The following TMEM255B variants were observed in gnomAD, a reference collection of about 807,000 sequenced individuals.
TMEM255B encodes the protein family with sequence similarity 70, member B.
In TMEM255B, 35 loss-of-function variants were observed where a neutral mutation model predicts 34.5. The observed-to-expected ratio is 1.01, with a 90% confidence interval of 0.77 to 1.34. The LOEUF is 1.34. Among genes scored for constraint, TMEM255B ranks in the 40% most tolerant of loss-of-function variants. The probability of loss-of-function intolerance (pLI) is 0.00; values close to 1 mark genes in which losing one functional copy is unlikely to be tolerated. For synonymous variants in TMEM255B, 206 were observed against 201.2 expected, an observed-to-expected ratio of 1.02 and a Z score of -0.20; for missense variants, 432 against 433.2, an observed-to-expected ratio of 1.00 and a Z score of 0.02.
In TMEM255B at chr13:113,800,882, G is replaced by C; in HGVS notation, c.479G>C (p.Cys160Ser). 2 of 1,610,740 alleles carry C rather than the reference G, an allele frequency of 1.2e-6. No homozygotes were observed. The highest frequency in any genetic ancestry group is 1.3e-5 in the African/African-American group (1 of 74,934). ...CAGCTGAAGGTGAGAAGCAACACCT[G>C]TTACTGCTGTGACCTCTATGCCTGC... ...KCQLKVRSNT[C>S]YCCDLYACGS... The change falls in exon 6 of 9, where the codon TGT (cysteine) becomes TCT (serine). Residue 160 changes from cysteine to serine, a missense_variant. Transcript: ENST00000375353.
chr13:113,766,393 GT>G, intron 2 of TMEM255B, 136 bp downstream of exon 2: 1 of 1,277,608 alleles, frequency 7.8e-7, no homozygotes, highest in Non-Finnish European at 1.1e-6. Context: ...GGTCGGCAGG[GT>G]TATGGCCCCC....
At chr13:113,771,319 G>T (rs938099516) in intron 3 of TMEM255B, among the ~76,000 whole-genome samples, 2 of 152,160 alleles carry the variant, frequency 1.3e-5, no homozygotes, top group African/African-American at 2.4e-5. Flanking sequence ...TCTGTGTCTG[G>T]TGTCTGGCAC....
chr13:113,777,552 C>T (rs986460167), intron 3 of TMEM255B, among the ~76,000 whole-genome samples: 1 of 152,246 alleles, frequency 6.6e-6, no homozygotes, highest in African/African-American at 2.4e-5. Flanking sequence ...CAGCGCTGTG[C>T]TGACTCTAGA....
chr13:113,774,652 CACAA>C (rs1437096644), intron 3 of TMEM255B, among the ~76,000 whole-genome samples: 24 of 105,728 alleles, frequency 2.3e-4, no homozygotes, highest in African/African-American at 1.1e-3. Context: ...ACACACTATA[CACAA>C]CACACACCAC....
At chr13:113,795,386 CAGTA>C (rs2050904185) in intron 4 of TMEM255B, 149 bp downstream of exon 4, 2 of 760,116 alleles carry the variant, frequency 2.6e-6, no homozygotes, top group South Asian at 3.4e-5. Context: ...TCTCTCCTCT[CAGTA>C]AGTCTCATTT....
intron 3 of TMEM255B, among the ~76,000 whole-genome samples, chr13:113,792,898 G>A (rs1388054985): frequency 6.6e-6 from 1 of 152,258 alleles, no homozygotes; most frequent in East Asian, 1.9e-4. Flanking sequence ...CGGGAAGGGC[G>A]GGGAGGTGCC....
chr13:113,794,687 C>T (rs1449011478), intron 3 of TMEM255B, among the ~76,000 whole-genome samples: 1 of 152,226 alleles, frequency 6.6e-6, no homozygotes, highest in Non-Finnish European at 1.5e-5. Context: ...TCAGAGTGCA[C>T]TGGTTAACTA....
At chr13:113,802,231 G>T (rs1335439699) in intron 7 of TMEM255B, among the ~76,000 whole-genome samples, 1 of 152,202 alleles carries the variant, frequency 6.6e-6, no homozygotes, top group Non-Finnish European at 1.5e-5. Context: ...GGCCTGGGCA[G>T]GAGGAGGGAG....
intron 3 of TMEM255B, among the ~76,000 whole-genome samples, chr13:113,785,451 G>T (rs913645912): frequency 3.3e-5 from 5 of 152,182 alleles, no homozygotes; most frequent in Non-Finnish European, 5.9e-5. Context: ...TGGCACTAGG[G>T]TCTCATGTTT....
intron 3 of TMEM255B, among the ~76,000 whole-genome samples, chr13:113,775,709 C>T (rs1017454062): frequency 1.3e-5 from 2 of 152,258 alleles, no homozygotes; most frequent in Admixed American, 6.5e-5. Flanking sequence ...AGCATGGGCA[C>T]AGGCGGCCAC....
intron 3 of TMEM255B, among the ~76,000 whole-genome samples, chr13:113,771,958 A>C (rs1758044441): frequency 6.6e-6 from 1 of 152,160 alleles, no homozygotes; most frequent in Admixed American, 6.5e-5. Context: ...CCCATGTTAC[A>C]TTCCCACAGA....
intron 3 of TMEM255B, among the ~76,000 whole-genome samples, chr13:113,774,128 GCTT>G (rs2050520517): frequency 7.2e-6 from 1 of 139,812 alleles, no homozygotes; most frequent in Non-Finnish European, 1.5e-5. Context: ...CCCCCCGCCT[GCTT>G]CTTCTCTTCC....
intron 8 of TMEM255B, among the ~76,000 whole-genome samples, chr13:113,810,733 C>G (rs913716965): frequency 6.6e-6 from 1 of 152,146 alleles, no homozygotes; most frequent in Non-Finnish European, 1.5e-5. Context: ...CCGTCCGTGT[C>G]CAGGGGCTGA....
chr13:113,799,215 C>T, intron 4 of TMEM255B, 124 bp from the exon 5 acceptor site: 1 of 810,094 alleles, frequency 1.2e-6, no homozygotes, highest in South Asian at 1.6e-5. Flanking sequence ...CTGGGAGGCT[C>T]AAGTTGGTGT....
In TMEM255B at chr13:113,806,799, G is replaced by A. The variant is rs2051180113; in HGVS notation, c.813+1771G>A. ...TGGTCTCCCGTGGGAAGTTTGCCAAGCCCAGAACTGGAGGCCCGCAGGGGT... is the reference window on the plus strand; with the variant it reads ...TGGTCTCCCGTGGGAAGTTTGCCAAACCCAGAACTGGAGGCCCGCAGGGGT... On this transcript the variant is annotated intron_variant, in intron 8 of 8. Coordinates refer to ENST00000375353, the MANE Select transcript of TMEM255B (RefSeq NM_182614.4). This position sits in a 1 kb window ranked among gnomAD's most constrained non-coding sequence, Gnocchi z 4.2. 6.6e-6 allele frequency among the ~76,000 whole-genome samples: 1 copy of A among 152,174 alleles called. No individual in the cohort carries two copies. The highest frequency in any genetic ancestry group is 1.5e-5 in the Non-Finnish European group (1 of 68,014).
chr13:113,784,166 G>A (rs1486428799), intron 3 of TMEM255B, among the ~76,000 whole-genome samples: 1 of 152,072 alleles, frequency 6.6e-6, no homozygotes, highest in Non-Finnish European at 1.5e-5. Context: ...GAGCGGGGAG[G>A]GTGTAGGGAT....
intron 2 of TMEM255B, chr13:113,768,073 C>G: frequency 2.5e-6 from 1 of 406,058 alleles, no homozygotes; most frequent in South Asian, 1.8e-5. Flanking sequence ...TAAAGAAGTC[C>G]GGTTTCCAGT....
Position 113,759,327 on chromosome 13 carries a change from G to A in TMEM255B, c.46+12G>A. On this transcript the variant is annotated intron_variant, in intron 1 of 8. Transcript: ENST00000375353. ...GCTGGACCCCGCAGGTGAGCGCGGG[G>A]CTGGGGGCTCGTCTCGGCTCCTGCG... The A allele has an allele frequency of 8.1e-7, 1 of 1,229,494 alleles. No homozygotes were observed. Among genetic ancestry groups the A allele is most frequent in the Non-Finnish European group, 1.0e-6 (1 of 986,426 alleles). The allele number at this position is 1,229,494 out of a possible 1,614,324, so 76.2% of individuals were successfully genotyped here.
intron 2 of TMEM255B, among the ~76,000 whole-genome samples, chr13:113,766,940 T>C (rs1233078732): frequency 6.6e-6 from 1 of 152,220 alleles, no homozygotes; most frequent in Non-Finnish European, 1.5e-5. Context: ...AATTACATCC[T>C]CTGTCGTTAG....
Sources: gnomAD v4.1 joint callset for allele counts (sites outside exome capture counted in the v4.1 genomes callset) on GRCh38, gnomAD v4.1.1 for gene constraint, Gnocchi (gnomAD v3.1) non-coding constraint, MANE v1.5 for transcripts, NCBI Gene and HGNC (gene_info 2026-07-23, HGNC 2026-07-21) for gene names.